Variants in FUT8 observed in about 807,000 individuals in gnomAD.
FUT8 encodes fucosyltransferase 8.
Under a neutral mutation model 71.3 loss-of-function variants are expected in FUT8, and 29 were observed. The observed-to-expected ratio is 0.41, with a 90% CI of 0.30 to 0.55. The LOEUF is 0.55. Among genes scored for constraint, FUT8 ranks in the 20% least tolerant of loss-of-function variants. FUT8 has a pLI of 0.34. For synonymous variants in FUT8, 254 were observed against 239.3 expected, an observed-to-expected ratio of 1.06 and a Z score of -0.57; for missense variants, 544 against 702.1, an observed-to-expected ratio of 0.77 and a Z score of 2.55.
chr14:65,657,743 G>A (rs1053649526), intron 6 of FUT8, among the ~76,000 whole-genome samples: 2 of 151,958 alleles, frequency 1.3e-5, no homozygotes, highest in South Asian at 2.1e-4. Context: ...TAGAAAGAAA[G>A]AATAAGAAAG....
chr14:65,385,365 AG>A, the FUT8 span, among the ~76,000 whole-genome samples: 9 of 220 alleles, frequency 0.041, no homozygotes, highest in Admixed American at 0.11. Context: ...ATGAAGTCAC[AG>A]TAAACCAATT....
intron 2 of FUT8, among the ~76,000 whole-genome samples, chr14:65,559,319 A>G (rs1885777543): frequency 6.6e-6 from 1 of 152,166 alleles, no homozygotes; most frequent in Admixed American, 6.5e-5. Context: ...TCAGCCAACT[A>G]CAGATCAAAA....
chr14:65,427,577 T>C (rs184994242), intron 1 of FUT8, among the ~76,000 whole-genome samples: 1 of 152,244 alleles, frequency 6.6e-6, no homozygotes, highest in Non-Finnish European at 1.5e-5. Flanking sequence ...TGTCTTCTTT[T>C]GAGAAATGTC....
intron 2 of FUT8, among the ~76,000 whole-genome samples, chr14:65,470,256 C>T (rs2066119973): frequency 6.6e-6 from 1 of 152,246 alleles, no homozygotes; most frequent in African/African-American, 2.4e-5. Context: ...TCCGAGCCTG[C>T]AAAGGCAAGG....
chr14:65,428,142 A>G (rs977902918), intron 1 of FUT8, among the ~76,000 whole-genome samples: 1 of 152,182 alleles, frequency 6.6e-6, no homozygotes, highest in Non-Finnish European at 1.5e-5. Context: ...ACTTTCTTAT[A>G]TCCCACTTTT....
At chr14:65,578,292 A>G (rs1886899465) in intron 3 of FUT8, among the ~76,000 whole-genome samples, 1 of 152,194 alleles carries the variant, frequency 6.6e-6, no homozygotes, top group African/African-American at 2.4e-5. Flanking sequence ...TCATTGTGGC[A>G]TATTGATTTC....
At chr14:65,527,540 G>A (rs190628720) in intron 2 of FUT8, among the ~76,000 whole-genome samples, 18 of 152,124 alleles carry the variant, frequency 1.2e-4, no homozygotes, top group African/African-American at 3.9e-4. Flanking sequence ...AAGTTTGATC[G>A]TCTGAAGCCT....
chr14:65,583,921 C>T (rs1385822206), intron 3 of FUT8, among the ~76,000 whole-genome samples: 1 of 152,142 alleles, frequency 6.6e-6, no homozygotes, highest in Non-Finnish European at 1.5e-5. Context: ...GCTCATTCAC[C>T]CAGGCTGAAG....
intron 2 of FUT8, among the ~76,000 whole-genome samples, chr14:65,484,727 G>C (rs1261463068): frequency 6.6e-6 from 1 of 152,016 alleles, no homozygotes; most frequent in Non-Finnish European, 1.5e-5. Context: ...GATTTTTAAA[G>C]GTTAATCCAA....
At chr14:65,421,782 G>A (rs535924475) in intron 1 of FUT8, among the ~76,000 whole-genome samples, 2 of 118,976 alleles carry the variant, frequency 1.7e-5, no homozygotes, top group Admixed American at 2.5e-4. Flanking sequence ...AGTCTTTTTC[G>A]TGATTTCCTT....
chr14:65,677,137 T>TGTGC (rs1315839274), intron 7 of FUT8, among the ~76,000 whole-genome samples: 1 of 109,338 alleles, frequency 9.1e-6, no homozygotes. Context: ...TGTGTGTGTG[T>TGTGC]GTGTGTGTGT....
At chr14:65,703,184 A>G (rs757024800) in intron 7 of FUT8, among the ~76,000 whole-genome samples, 8 of 152,372 alleles carry the variant, frequency 5.3e-5, no homozygotes, top group Non-Finnish European at 1.0e-4. Context: ...TATGAGAAAC[A>G]TAATGTCAAG....
intron 2 of FUT8, among the ~76,000 whole-genome samples, chr14:65,503,417 A>G (rs1034735898): frequency 1.1e-4 from 16 of 152,258 alleles, no homozygotes; most frequent in African/African-American, 3.9e-4. Context: ...TGAATTTCAT[A>G]CTGATGGCAT....
intron 1 of FUT8, among the ~76,000 whole-genome samples, chr14:65,436,328 G>A (rs984098102): frequency 5.9e-5 from 9 of 151,982 alleles, no homozygotes; most frequent in African/African-American, 1.7e-4. Flanking sequence ...ATGCTTATTG[G>A]CTTTAAAAAA....
intron 2 of FUT8, chr14:65,528,876 A>G (rs1290373323): frequency 6.6e-6 from 1 of 152,444 alleles, no homozygotes; most frequent in East Asian, 1.9e-4. Flanking sequence ...ATCATAAGAT[A>G]CTGGATTTTA....
At chr14:65,668,446 A>G (rs894317738) in intron 6 of FUT8, among the ~76,000 whole-genome samples, 1 of 152,180 alleles carries the variant, frequency 6.6e-6, no homozygotes, top group African/African-American at 2.4e-5. Flanking sequence ...ATCAAACATC[A>G]CTAATCATTA....
intron 6 of FUT8, among the ~76,000 whole-genome samples, chr14:65,651,226 G>A (rs931681569): frequency 1.3e-5 from 2 of 152,330 alleles, no homozygotes; most frequent in East Asian, 3.9e-4. Context: ...GAAATCCTGG[G>A]CAGATTTCTT....
chr14:65,616,151 T>G, intron 4 of FUT8, 58 bp downstream of exon 4: 1 of 1,594,482 alleles, frequency 6.3e-7, no homozygotes, highest in Non-Finnish European at 8.5e-7. Context: ...CACAGATAAT[T>G]GAAAGTTTCC....
At chr14:65,513,142 A>T (rs761683919) in intron 2 of FUT8, among the ~76,000 whole-genome samples, 5 of 152,180 alleles carry the variant, frequency 3.3e-5, no homozygotes, top group South Asian at 2.1e-4. Flanking sequence ...AATCACTTGC[A>T]TCTGGTTCAA....
Sources: allele counts gnomAD v4.1 joint callset (sites outside exome capture counted in the v4.1 genomes callset), GRCh38; gene constraint gnomAD v4.1.1; transcripts MANE v1.5; gene names NCBI Gene and HGNC (gene_info 2026-07-23, HGNC 2026-07-21).